Variants in ADIG observed in about 807,000 individuals in gnomAD.
ADIG encodes the protein adipogenesis associated.
In ADIG, 12 loss-of-function variants were observed where a neutral mutation model predicts 10.7. The observed-to-expected ratio is 1.12, with a 90% CI of 0.72 to 1.82. The LOEUF (loss-of-function observed/expected upper bound fraction) is 1.82, where lower values mean the gene tolerates loss of function less well. Ranked by LOEUF, ADIG falls within the 40% of genes most tolerant of loss-of-function variation. The probability of loss-of-function intolerance (pLI) is 0.00; values close to 1 mark genes in which losing one functional copy is unlikely to be tolerated. For synonymous variants in ADIG, 32 were observed against 35.6 expected (o/e 0.90, Z 0.36); for missense variants, 72 against 92.5 (o/e 0.78, Z 0.91).
chr20:38,585,443 C>T (rs1230904059), intron 1 of ADIG: 2 of 1,550,464 alleles, frequency 1.3e-6, no homozygotes, highest in Admixed American at 3.9e-5. Flanking sequence ...AGATATTCTG[C>T]AAGTCAGAAG....
intron 1 of ADIG, among the ~76,000 whole-genome samples, chr20:38,582,490 C>T (rs567746192): frequency 8.5e-4 from 129 of 152,314 alleles, no homozygotes; most frequent in Non-Finnish European, 1.5e-3. Context: ...CAGCACATGC[C>T]GCCAGCAATG....
chr20:38,585,542 G>A (rs1056603820), intron 1 of ADIG: 13 of 1,549,680 alleles, frequency 8.4e-6, no homozygotes, highest in Middle Eastern at 3.3e-4. Flanking sequence ...CTCTCCCACA[G>A]CTTAGTCACC....
intron 2 of ADIG, 47 bp downstream of exon 2, chr20:38,586,208 G>T: frequency 2.0e-6 from 3 of 1,474,614 alleles, no homozygotes; most frequent in Non-Finnish European, 2.8e-6. Flanking sequence ...CCCACCCAAA[G>T]CCTTGGGCAG....
intron 2 of ADIG, among the ~76,000 whole-genome samples, chr20:38,586,622 G>T (rs1311427543): frequency 6.6e-6 from 1 of 152,026 alleles, no homozygotes; most frequent in Non-Finnish European, 1.5e-5. Context: ...AGTACTTACC[G>T]CCTTCTAACA....
At chr20:38,581,558 C>T (rs1289618424) in intron 1 of ADIG, among the ~76,000 whole-genome samples, 184 bp downstream of exon 1, 1 of 152,096 alleles carries the variant, frequency 6.6e-6, no homozygotes, top group Non-Finnish European at 1.5e-5. Context: ...GGTTTCTTAA[C>T]CTAGAGTTCG....
chr20:38,583,998 C>A (rs1336515747), intron 1 of ADIG, among the ~76,000 whole-genome samples: 1 of 152,170 alleles, frequency 6.6e-6, no homozygotes, highest in Non-Finnish European at 1.5e-5. Flanking sequence ...GTTTTCTATT[C>A]TGCTGCAGAT....
At position 38,586,101 on chromosome 20, in the gene ADIG, G is replaced by C; in HGVS notation, c.197G>C (p.Trp66Ser). ...AGCAAAGGCCCAGCTGAGTTTTGCT[G>C]GAAGGGGACACTCCACGGCCAAGAG... ...PWSKGPAEFC[W>S]KGTLHGQEKE... is the part of the protein sequence containing the mutation. The change falls in exon 2 of 3, where the codon TGG becomes TCG. Residue 66 changes from tryptophan (W) to serine (S), a missense_variant. Transcript: ENST00000537425. The C allele has an allele frequency of 6.2e-7, 1 of 1,607,976 alleles. No individual in the cohort carries two copies.
At chr20:38,583,767 C>T (rs2038927329) in intron 1 of ADIG, among the ~76,000 whole-genome samples, 1 of 152,214 alleles carries the variant, frequency 6.6e-6, no homozygotes, top group African/African-American at 2.4e-5. Context: ...CAGACTTTCT[C>T]CTGAGAGGCT....
chr20:38,584,263 C>G (rs1479356951), intron 1 of ADIG, among the ~76,000 whole-genome samples: 1 of 152,190 alleles, frequency 6.6e-6, no homozygotes, highest in Non-Finnish European at 1.5e-5. Context: ...GGCAGCTCAA[C>G]TCCTGCAGAA....
chr20:38,587,150 A>T (rs935935182), intron 2 of ADIG, among the ~76,000 whole-genome samples: 1 of 152,134 alleles, frequency 6.6e-6, no homozygotes, highest in South Asian at 2.1e-4. Flanking sequence ...CATCTCCATG[A>T]ATAGCACCAC....
At chr20:38,585,923 A>G in intron 1 of ADIG, 106 bp from the exon 2 acceptor site, 1 of 1,152,236 alleles carries the variant, frequency 8.7e-7, no homozygotes, top group Non-Finnish European at 1.2e-6. Context: ...CCCTAGCCTC[A>G]GGCAAGGCTG....
intron 2 of ADIG, 102 bp downstream of exon 2, chr20:38,586,263 C>T: frequency 1.1e-6 from 1 of 876,602 alleles, no homozygotes; most frequent in Non-Finnish European, 1.7e-6. Flanking sequence ...TAGAGGTATG[C>T]TCCCTGGCCA....
Position 38,588,084 on chromosome 20 carries a change from C to T in ADIG, c.*15-17C>T. ...TCCCAATGGCATCCCTAGTCCCAAC[C>T]TTCCTTTTGTTTCTAGTTTGGTTTT... On this transcript the variant is annotated splice_polypyrimidine_tract_variant and intron_variant, in intron 2 of 2. Coordinates refer to ENST00000537425, the MANE Select transcript of ADIG (RefSeq NM_001393816.1). The T allele has an allele frequency of 7.8e-7, 1 of 1,289,374 alleles. No individual in the cohort carries two copies. The highest frequency in any genetic ancestry group is 1.0e-6 in the Non-Finnish European group (1 of 981,188). 79.9% of individuals were successfully genotyped at this position (1,289,374 alleles called of 1,614,324 possible).
At chr20:38,585,800 T>TA in intron 1 of ADIG, 1 of 607,966 alleles carries the variant, frequency 1.6e-6, no homozygotes, top group Non-Finnish European at 2.9e-6. Context: ...CCCCTCTAGA[T>TA]ACGGCCATTT....
intron 1 of ADIG, 35 bp from the exon 2 acceptor site, chr20:38,585,994 G>C (rs1304035553): frequency 6.4e-7 from 1 of 1,550,498 alleles, no homozygotes; most frequent in South Asian, 1.2e-5. Context: ...GACAGGATGT[G>C]ACCATCCAAG....
intron 1 of ADIG, among the ~76,000 whole-genome samples, chr20:38,581,839 C>G (rs1280603378): frequency 8.5e-5 from 13 of 152,214 alleles, no homozygotes. Flanking sequence ...CGATGGGATA[C>G]AGCAGCCTTA....
chr20:38,586,177 G>T lies in ADIG; in HGVS notation c.*14+16G>T. On this transcript the variant is annotated intron_variant, in intron 2 of 2. Coordinates refer to ENST00000537425, the MANE Select transcript of ADIG (RefSeq NM_001393816.1). ...GCTGTGCCAGGTGAGGCCCTTCCAGGGGCCAGGGGGAGCCTCAAGGCCCAC... is the reference window on the plus strand; with the variant it reads ...GCTGTGCCAGGTGAGGCCCTTCCAGTGGCCAGGGGGAGCCTCAAGGCCCAC... 3 of 1,559,062 alleles carry T rather than the reference G, an allele frequency of 1.9e-6. No homozygotes were observed. Among genetic ancestry groups the T allele is most frequent in the Non-Finnish European group, 2.6e-6 (3 of 1,150,728 alleles).
chr20:38,588,419 A>G lies in ADIG; in HGVS notation c.*333A>G. On this transcript the variant is annotated 3_prime_UTR_variant, in exon 3 of 3. Coordinates refer to ENST00000537425, the MANE Select transcript of ADIG (RefSeq NM_001393816.1). ...GCCGGAGGGTGTGGGTCCATATTAAAGAAGCAAGGGTCTTCCCATACCCGG... is the reference window on the plus strand; with the variant it reads ...GCCGGAGGGTGTGGGTCCATATTAAGGAAGCAAGGGTCTTCCCATACCCGG... 8.2e-7 allele frequency: 1 copy of G among 1,225,118 alleles called. No individual in the cohort carries two copies. The highest frequency in any genetic ancestry group is 1.1e-6 in the Non-Finnish European group (1 of 951,970). 75.9% of individuals were successfully genotyped at this position (1,225,118 alleles called of 1,614,324 possible).
rs2088633330 is a variant in ADIG at position 38,586,070 on chromosome 20, C to T, written c.166C>T (p.Pro56Ser). Reference sequence around the variant, plus strand: ...CTCCAGTGTGTGCTTGGATTGGGAGCCCTGGAGCAAAGGCCCAGCTGAGTT... The same window carrying T: ...CTCCAGTGTGTGCTTGGATTGGGAGTCCTGGAGCAAAGGCCCAGCTGAGTT... ...NDSSVCLDWE[P>S]WSKGPAEFCW... The change falls in exon 2 of 3, where the codon CCC becomes TCC. Residue 56 changes from proline to serine, a missense_variant. By Grantham distance (74) the Pro-to-Ser change is moderately conservative (BLOSUM62 -1). Transcript: ENST00000537425. The T allele has an allele frequency of 6.2e-7, 1 of 1,610,786 alleles. No homozygotes were observed. The highest frequency in any genetic ancestry group is 8.5e-7 in the Non-Finnish European group (1 of 1,178,628).
Sources: allele counts gnomAD v4.1 joint callset (sites outside exome capture counted in the v4.1 genomes callset), GRCh38; gene constraint gnomAD v4.1.1; transcripts MANE v1.5; gene names NCBI Gene and HGNC (gene_info 2026-07-23, HGNC 2026-07-21).